The following CFAP95 variants were observed in gnomAD, a reference collection of about 807,000 sequenced individuals.
The protein encoded by CFAP95 is cilia- and flagella-associated protein 95.
the CFAP95 span, among the ~76,000 whole-genome samples, chr9:69,903,915 G>T: frequency 1.3e-5 from 2 of 152,104 alleles, no homozygotes; most frequent in Admixed American, 1.3e-4. Context: ...ATAGAGACGT[G>T]GTCTCACTGT....
the CFAP95 span, among the ~76,000 whole-genome samples, chr9:69,861,748 A>AC: frequency 6.6e-6 from 1 of 151,026 alleles, no homozygotes; most frequent in Non-Finnish European, 1.5e-5. Flanking sequence ...AAAAAAAAAA[A>AC]AAAAACACAA....
At chr9:69,851,451 C>G in the CFAP95 span, among the ~76,000 whole-genome samples, 1 of 152,118 alleles carries the variant, frequency 6.6e-6, no homozygotes, top group Non-Finnish European at 1.5e-5. Flanking sequence ...CTTCCTCCAG[C>G]TACAGCCTGC....
chr9:69,906,158 T>C, the CFAP95 span: 22 of 1,546,200 alleles, frequency 1.4e-5, no homozygotes, highest in Non-Finnish European at 1.9e-5. Flanking sequence ...AGAATCAGCA[T>C]CTCTGACTAA....
the CFAP95 span, among the ~76,000 whole-genome samples, chr9:69,856,237 G>T: frequency 6.6e-6 from 1 of 151,952 alleles, no homozygotes; most frequent in Non-Finnish European, 1.5e-5. Flanking sequence ...TCCTGCTTAG[G>T]GTATTTAAAA....
chr9:69,841,957 G>A, the CFAP95 span, among the ~76,000 whole-genome samples: 1 of 152,090 alleles, frequency 6.6e-6, no homozygotes, highest in Non-Finnish European at 1.5e-5. Flanking sequence ...ATTTGTGTGG[G>A]GACATAGCCA....
At chr9:69,827,624 C>T in the CFAP95 span, among the ~76,000 whole-genome samples, 80,595 of 151,936 alleles carry the variant, frequency 0.53, 21,441 homozygotes, top group East Asian at 0.61. Flanking sequence ...CCAGATCTAT[C>T]GTAGGTCCTT....
chr9:69,904,620 G>A, the CFAP95 span, among the ~76,000 whole-genome samples: 958 of 152,204 alleles, frequency 6.3e-3, 5 homozygotes, highest in Admixed American at 0.011. Context: ...GCCCATAGAC[G>A]CTGTATTTGA....
the CFAP95 span, among the ~76,000 whole-genome samples, chr9:69,825,996 C>T: frequency 1.3e-5 from 2 of 152,046 alleles, no homozygotes; most frequent in Admixed American, 6.6e-5. Flanking sequence ...CTGGGAGTTT[C>T]GCTTCCTGTC....
At chr9:69,903,154 T>C in the CFAP95 span, among the ~76,000 whole-genome samples, 3 of 152,202 alleles carry the variant, frequency 2.0e-5, no homozygotes, top group East Asian at 1.9e-4. Context: ...ATGGTGTTGG[T>C]GTCATGCTAG....
chr9:69,889,999 G>A, the CFAP95 span, among the ~76,000 whole-genome samples: 1 of 152,070 alleles, frequency 6.6e-6, no homozygotes, highest in Non-Finnish European at 1.5e-5. Flanking sequence ...GATTCTAGGT[G>A]ATTTTCTTCA....
At chr9:69,873,694 T>C in the CFAP95 span, among the ~76,000 whole-genome samples, 83 of 152,344 alleles carry the variant, frequency 5.4e-4, no homozygotes, top group Admixed American at 1.8e-3. Context: ...CCCGTCTGAT[T>C]TGGTGAATAC....
At chr9:69,866,189 C>A in the CFAP95 span, among the ~76,000 whole-genome samples, 1 of 152,260 alleles carries the variant, frequency 6.6e-6, no homozygotes, top group African/African-American at 2.4e-5. Context: ...TCAGGCCAGG[C>A]CTTAAGCATT....
At chr9:69,895,479 A>G in the CFAP95 span, among the ~76,000 whole-genome samples, 1 of 151,468 alleles carries the variant, frequency 6.6e-6, no homozygotes, top group Non-Finnish European at 1.5e-5. Flanking sequence ...CTCAGATTCT[A>G]CTATTTGATT....
the CFAP95 span, among the ~76,000 whole-genome samples, chr9:69,903,106 G>A: frequency 2.6e-5 from 4 of 152,136 alleles, no homozygotes; most frequent in Non-Finnish European, 4.4e-5. Context: ...ATATAGTAAT[G>A]CTATTGTGTT....
chr9:69,890,534 T>C, the CFAP95 span, among the ~76,000 whole-genome samples: 1 of 152,230 alleles, frequency 6.6e-6, no homozygotes, highest in African/African-American at 2.4e-5. Context: ...CAGAGAGTAG[T>C]GATTGAACTC....
chr9:69,890,360 A>G, the CFAP95 span, among the ~76,000 whole-genome samples: 1 of 152,082 alleles, frequency 6.6e-6, no homozygotes, highest in Non-Finnish European at 1.5e-5. Context: ...GTTTGCCTTT[A>G]TTTGCAATTT....
At chr9:69,877,586 C>T in the CFAP95 span, among the ~76,000 whole-genome samples, 1 of 152,154 alleles carries the variant, frequency 6.6e-6, no homozygotes, top group Non-Finnish European at 1.5e-5. Flanking sequence ...ATTATGCTTT[C>T]TAATTTCTTG....
At chr9:69,894,002 G>A in the CFAP95 span, among the ~76,000 whole-genome samples, 1 of 152,138 alleles carries the variant, frequency 6.6e-6, no homozygotes, top group Non-Finnish European at 1.5e-5. Flanking sequence ...GGAGAGGAGG[G>A]AAGGGTCTTA....
the CFAP95 span, among the ~76,000 whole-genome samples, chr9:69,899,403 T>C: frequency 6.6e-6 from 1 of 152,264 alleles, no homozygotes; most frequent in African/African-American, 2.4e-5. Context: ...ACATAAGTTC[T>C]TCAATCCATT....
Sources: allele counts gnomAD v4.1 joint callset (sites outside exome capture counted in the v4.1 genomes callset), GRCh38; gene constraint gnomAD v4.1.1; transcripts MANE v1.5; gene names NCBI Gene and HGNC (gene_info 2026-07-23, HGNC 2026-07-21).